The following STXBP5L variants were observed in gnomAD, a reference collection of about 807,000 sequenced individuals.
The protein encoded by STXBP5L is syntaxin binding protein 5L, also known as syntaxin-binding protein 5-like.
STXBP5L carries 65 observed loss-of-function variants against 144.5 expected under a neutral mutation model. That is an observed-to-expected ratio of 0.45 (90% confidence interval 0.37 to 0.55). The LOEUF (loss-of-function observed/expected upper bound fraction) is 0.55. STXBP5L is among the 20% of genes least tolerant of loss of function. The pLI is 0.00. For missense variants in STXBP5L, 1,298 were observed against 1,405.5 expected (o/e 0.92, Z 1.22); for synonymous variants, 505 against 469.6 (o/e 1.08, Z -0.97).
chr3:121,154,734 A>G (rs75748275), intron 8 of STXBP5L, among the ~76,000 whole-genome samples: 2 of 151,960 alleles, frequency 1.3e-5, no homozygotes, highest in East Asian at 3.9e-4. Context: ...ATATCTAACA[A>G]TATATTAGAT....
chr3:121,346,284 A>G lies in STXBP5L; in HGVS notation c.2176+27744A>G, dbSNP rs549109276. Among the ~76,000 whole-genome samples, 6 of 152,174 alleles carry G rather than the reference A, an allele frequency of 3.9e-5. No individual in the cohort carries two copies. In the South Asian group the frequency reaches 1.2e-3, roughly 32 times the overall value. On this transcript the variant is annotated intron_variant, in intron 20 of 26. Transcript: ENST00000471454. ...ATGTCCCTACAAAGGACATGAACTC[A>G]TCATTTTTATGGTTGCATAGTATTC...
At chr3:121,319,319 C>A (rs1458985058) in intron 20 of STXBP5L, among the ~76,000 whole-genome samples, 1 of 151,952 alleles carries the variant, frequency 6.6e-6, no homozygotes, top group Admixed American at 6.6e-5. Context: ...TTAATTTGAA[C>A]CTTATACAAA....
intron 3 of STXBP5L, among the ~76,000 whole-genome samples, chr3:121,032,521 C>T (rs1398345712): frequency 6.6e-6 from 1 of 151,368 alleles, no homozygotes; most frequent in African/African-American, 2.4e-5. Context: ...GCAAGGACTT[C>T]ATGTCCAAAA....
At chr3:121,248,278 G>T (rs1269035684) in intron 14 of STXBP5L, among the ~76,000 whole-genome samples, 1 of 152,118 alleles carries the variant, frequency 6.6e-6, no homozygotes, top group African/African-American at 2.4e-5. Context: ...TGGCCAGGCT[G>T]GTCTAGAACT....
Position 121,423,899 on chromosome 3 carries a change from TTAA to T in STXBP5L, c.*4807_*4809del, listed in dbSNP as rs1287068965. 4 of 152,276 alleles carry T rather than the reference TTAA, an allele frequency of 2.6e-5. No individual in the cohort carries two copies. The highest frequency in any genetic ancestry group is 2.9e-5 in the Non-Finnish European group (2 of 68,060). The allele number at this position is 152,276 out of a possible 1,614,324, so 9.4% of individuals were successfully genotyped here. On this transcript the variant is annotated 3_prime_UTR_variant, in exon 27 of 27. Coordinates refer to ENST00000471454, the MANE Select transcript of STXBP5L (RefSeq NM_001308330.2). ...TGACCAGGCAGTGCTCCATCAACTCTTAATAATCATCTTTGTGATATTCTCCTA... is the reference window on the plus strand; with the variant it reads ...TGACCAGGCAGTGCTCCATCAACTCTTAATCATCTTTGTGATATTCTCCTA...
Position 121,422,102 on chromosome 3 carries a change from G to GCA in STXBP5L, c.*3019_*3020dup, listed in dbSNP as rs140955523. ...CTGTTGCACTGACCTTAGCACGCAC[G>GCA]CACACACACACACACCATCGCCACC... On this transcript the variant is annotated 3_prime_UTR_variant, in exon 27 of 27. Transcript: ENST00000471454. The GCA allele has an allele frequency of 3.3e-3, 492 of 150,604 alleles. 3 individuals carry two copies. The highest frequency in any genetic ancestry group is 0.011 in the African/African-American group (447 of 41,204). 9.3% of individuals were successfully genotyped at this position (150,604 alleles called of 1,614,324 possible). A position where few individuals can be genotyped will look rare whatever the true frequency, so the allele number is the denominator to read the frequency against.
At chr3:121,195,778 C>A (rs1232111915) in intron 9 of STXBP5L, among the ~76,000 whole-genome samples, 2 of 152,132 alleles carry the variant, frequency 1.3e-5, no homozygotes, top group Non-Finnish European at 2.9e-5. Context: ...GCTTTCCAAT[C>A]CCTAATGATG....
chr3:121,006,824 T>G (rs534681668), intron 3 of STXBP5L, among the ~76,000 whole-genome samples: 25 of 152,070 alleles, frequency 1.6e-4, no homozygotes, highest in Non-Finnish European at 2.8e-4. Context: ...AGTTTGGCTG[T>G]ATATGAAATT....
intron 22 of STXBP5L, among the ~76,000 whole-genome samples, chr3:121,406,797 A>T (rs2047002391): frequency 6.6e-6 from 1 of 152,004 alleles, no homozygotes; most frequent in Non-Finnish European, 1.5e-5. Context: ...AGATTGTGTG[A>T]TTATTTTTCA....
Position 120,958,775 on chromosome 3 carries a change from A to G in STXBP5L, c.287+3738A>G, listed in dbSNP as rs533062306. Among the ~76,000 whole-genome samples, 462 of 152,304 alleles carry G rather than the reference A, an allele frequency of 3.0e-3. 3 individuals carry two copies. Among genetic ancestry groups the G allele is most frequent in the African/African-American group, 0.01 (431 of 41,554 alleles). ...TATCTCTAAATAATAAGAGCTATCT[A>G]TGACAAACCCACAGCCAATATTATA... On this transcript the variant is annotated intron_variant, in intron 3 of 26. Transcript: ENST00000471454.
At chr3:121,208,887 C>T (rs1427991242) in intron 10 of STXBP5L, among the ~76,000 whole-genome samples, 1 of 152,032 alleles carries the variant, frequency 6.6e-6, no homozygotes, top group African/African-American at 2.4e-5. Context: ...TTAGGTATTT[C>T]TCCTAATGCT....
intron 20 of STXBP5L, among the ~76,000 whole-genome samples, chr3:121,373,765 G>A (rs942023042): frequency 4.6e-5 from 7 of 152,088 alleles, no homozygotes; most frequent in African/African-American, 1.7e-4. Flanking sequence ...GGGCCATTTG[G>A]CTCACTACTG....
intron 9 of STXBP5L, among the ~76,000 whole-genome samples, chr3:121,193,740 G>A (rs571758062): frequency 6.6e-5 from 10 of 152,126 alleles, no homozygotes; most frequent in South Asian, 6.2e-4. Context: ...ACCAAACACC[G>A]TATGTTCTCA....
At chr3:121,018,522 C>CAAAAAA (rs1560008769) in intron 3 of STXBP5L, among the ~76,000 whole-genome samples, 1 of 69,460 alleles carries the variant, frequency 1.4e-5, no homozygotes, top group Non-Finnish European at 2.9e-5. Flanking sequence ...CATCCATATA[C>CAAAAAA]CAAAAAAAAA....
rs60522434 is a variant in STXBP5L at position 121,020,850 on chromosome 3, GA to G, written c.288-20839del. On this transcript the variant is annotated intron_variant, in intron 3 of 26. Coordinates refer to ENST00000471454, the MANE Select transcript of STXBP5L (RefSeq NM_001308330.2). ...CACAGTACCTATAAAACAATACAAT[GA>G]AAAAAAAAAACCCAACAAAGTATTC... is the stretch of plus-strand genomic sequence containing the variant. Among the ~76,000 whole-genome samples the G allele has an allele frequency of 3.3e-3, 479 of 143,204 alleles. 2 individuals are homozygous for G. The highest frequency in any genetic ancestry group is 9.3e-3 in the African/African-American group (368 of 39,438). The allele number at this position is 143,204 out of a possible 152,430, so 93.9% of individuals were successfully genotyped here.
intron 22 of STXBP5L, among the ~76,000 whole-genome samples, chr3:121,392,094 C>T (rs1192619038): frequency 6.6e-6 from 1 of 152,202 alleles, no homozygotes; most frequent in African/African-American, 2.4e-5. Flanking sequence ...TTTACCTACT[C>T]AAGCCTCAAC....
At chr3:121,176,501 A>G (rs1390069543) in intron 9 of STXBP5L, among the ~76,000 whole-genome samples, 2 of 151,434 alleles carry the variant, frequency 1.3e-5, no homozygotes, top group Admixed American at 6.6e-5. Flanking sequence ...AAAAAAAAAA[A>G]AAAAAAAGGT....
intron 9 of STXBP5L, among the ~76,000 whole-genome samples, chr3:121,163,925 T>C (rs2046409520): frequency 6.6e-6 from 1 of 152,198 alleles, no homozygotes; most frequent in Admixed American, 6.5e-5. Context: ...AGCTTAAACT[T>C]TGTTCTTTAA....
At chr3:121,087,389 A>C (rs2042549736) in intron 5 of STXBP5L, among the ~76,000 whole-genome samples, 1 of 151,938 alleles carries the variant, frequency 6.6e-6, no homozygotes, top group Non-Finnish European at 1.5e-5. Flanking sequence ...TAGGGTTGCT[A>C]TATCTTCTTG....
Sources: allele counts gnomAD v4.1 joint callset (sites outside exome capture counted in the v4.1 genomes callset), GRCh38; gene constraint gnomAD v4.1.1; transcripts MANE v1.5; gene names NCBI Gene and HGNC (gene_info 2026-07-23, HGNC 2026-07-21).